The following TRAK1 variants were observed in gnomAD, a reference collection of about 807,000 sequenced individuals.
TRAK1 encodes the protein trafficking kinesin-binding protein 1.
Under a neutral mutation model 92.1 loss-of-function variants are expected in TRAK1, and 33 were observed. The ratio of observed to expected loss-of-function variants is 0.36; its 90% CI spans 0.27 to 0.48. The LOEUF is 0.48. TRAK1 is among the 20% of genes least tolerant of loss of function. The pLI, the probability that TRAK1 is intolerant of heterozygous loss-of-function variation, is 0.99. For synonymous variants in TRAK1, 521 were observed against 517.3 expected (o/e 1.01, Z -0.10); for missense variants, 1,123 against 1,257.9 (o/e 0.89, Z 1.62).
At chr3:42,115,468 C>T (rs4246668) in intron 1 of TRAK1, among the ~76,000 whole-genome samples, 74,533 of 151,972 alleles carry the variant, frequency 0.49, 18,422 homozygotes, top group South Asian at 0.6. Flanking sequence ...TGTCTCTGTG[C>T]GACTGCTTCT....
intron 1 of TRAK1, among the ~76,000 whole-genome samples, chr3:42,112,560 CTG>C (rs1252907432): frequency 1.3e-5 from 2 of 151,516 alleles, no homozygotes; most frequent in Admixed American, 6.6e-5. Context: ...CATGGCAAAA[CTG>C]TGTCTCTACT....
chr3:42,198,143 C>T (rs1301095879), intron 10 of TRAK1, among the ~76,000 whole-genome samples: 1 of 152,216 alleles, frequency 6.6e-6, no homozygotes, highest in East Asian at 1.9e-4. Context: ...TGGTGCTTTT[C>T]TGCACACACT....
intron 1 of TRAK1, among the ~76,000 whole-genome samples, chr3:42,019,867 A>G (rs1353430730): frequency 1.3e-5 from 2 of 152,224 alleles, no homozygotes. Context: ...CAGGTAAACA[A>G]TGAGAGCAGA....
At chr3:42,156,752 A>G (rs1334611432) in intron 2 of TRAK1, among the ~76,000 whole-genome samples, 1 of 152,204 alleles carries the variant, frequency 6.6e-6, no homozygotes, top group Non-Finnish European at 1.5e-5. Context: ...GAAATATATC[A>G]CCATGAAACA....
chr3:42,026,431 T>A (rs1054906711), intron 1 of TRAK1, among the ~76,000 whole-genome samples: 2 of 152,142 alleles, frequency 1.3e-5, no homozygotes, highest in Non-Finnish European at 2.9e-5. Flanking sequence ...CACCGATTAT[T>A]TTTACATACC....
intron 2 of TRAK1, among the ~76,000 whole-genome samples, chr3:42,139,286 C>T (rs917942495): frequency 3.9e-5 from 6 of 152,076 alleles, no homozygotes; most frequent in Non-Finnish European, 8.8e-5. Context: ...TTACTGCTCA[C>T]GTATGCGGTC....
intron 1 of TRAK1, among the ~76,000 whole-genome samples, chr3:42,022,891 G>A (rs546994300): frequency 6.6e-6 from 1 of 152,008 alleles, no homozygotes; most frequent in South Asian, 2.1e-4. Flanking sequence ...AGGCGCAGTG[G>A]CTCACACCTG....
intron 3 of TRAK1, among the ~76,000 whole-genome samples, chr3:42,183,251 G>A (rs567143733): frequency 1.3e-5 from 2 of 152,118 alleles, no homozygotes; most frequent in Non-Finnish European, 2.9e-5. Context: ...TTTGAAACCT[G>A]TGGCCTGAAA....
Position 42,224,121 on chromosome 3 carries a change from C to A in TRAK1, c.*384C>A, listed in dbSNP as rs1239788761. 2.2e-6 allele frequency: 1 copy of A among 463,196 alleles called. No individual in the cohort carries two copies. Among genetic ancestry groups the A allele is most frequent in the Non-Finnish European group, 4.3e-6 (1 of 232,018 alleles). The allele number at this position is 463,196 out of a possible 1,614,324, so 28.7% of individuals were successfully genotyped here. On this transcript the variant is annotated 3_prime_UTR_variant, in exon 16 of 16. Coordinates refer to ENST00000327628, the MANE Select transcript of TRAK1 (RefSeq NM_001042646.3). ...GATAGGAAACCAGTGAATTCCGTGGCTGGCACACCACGAGCTGTCACGCGG... is the reference window on the plus strand; with the variant it reads ...GATAGGAAACCAGTGAATTCCGTGGATGGCACACCACGAGCTGTCACGCGG...
chr3:42,055,585 C>A (rs1019913750), intron 1 of TRAK1, among the ~76,000 whole-genome samples: 2 of 152,188 alleles, frequency 1.3e-5, no homozygotes, highest in African/African-American at 4.8e-5. Context: ...ATATCAGCTT[C>A]CTGAGTAGCT....
In TRAK1 at chr3:42,201,883, G is replaced by GACACAC. The variant is rs56336064; in HGVS notation, c.1428-510_1428-505dup. 3.3e-3 allele frequency among the ~76,000 whole-genome samples: 410 copies of GACACAC among 125,114 alleles called. 12 individuals carry two copies. The highest frequency in any genetic ancestry group is 9.9e-3 in the African/African-American group (321 of 32,334). The allele number at this position is 125,114 out of a possible 152,430, so 82.1% of individuals were successfully genotyped here. On this transcript the variant is annotated intron_variant, in intron 12 of 15. Coordinates refer to ENST00000327628, the MANE Select transcript of TRAK1 (RefSeq NM_001042646.3). The stretch of plus-strand genomic sequence containing the variant: ...GGACGGACGGACGGACGGACAGACG[G>GACACAC]ACACACACACACACACACACACACA...
At chr3:42,092,701 GTGTTGTGTTGTGTTATGTTATGTTA>G (rs1705241008) in intron 1 of TRAK1, among the ~76,000 whole-genome samples, 1 of 114,468 alleles carries the variant, frequency 8.7e-6, no homozygotes, top group South Asian at 3.1e-4. Context: ...GTGTTGTGTT[GTGTTGTGTTGTGTTATGTTATGTTA>G]TGTTATGTTA....
At chr3:42,142,529 A>G (rs1321812803) in intron 2 of TRAK1, among the ~76,000 whole-genome samples, 4 of 152,198 alleles carry the variant, frequency 2.6e-5, no homozygotes, top group Non-Finnish European at 4.4e-5. Flanking sequence ...CTGTGCCCAC[A>G]GCATCAGACC....
chr3:42,195,038 G>T, intron 10 of TRAK1, 97 bp downstream of exon 10: 2 of 1,468,254 alleles, frequency 1.4e-6, no homozygotes, highest in African/African-American at 2.8e-5. Flanking sequence ...GGTGTTCACA[G>T]TTCGCTTCTC....
intron 1 of TRAK1, among the ~76,000 whole-genome samples, chr3:42,026,327 C>T (rs954972313): frequency 2.0e-5 from 3 of 152,064 alleles, no homozygotes; most frequent in Admixed American, 2.0e-4. Context: ...TTTTGAATTG[C>T]GTGGTTAGCT....
chr3:42,088,333 A>G (rs1704791817), upstream of TRAK1, among the ~76,000 whole-genome samples: 2 of 152,022 alleles, frequency 1.3e-5, no homozygotes, highest in South Asian at 4.1e-4. Flanking sequence ...CTGCTGTGCT[A>G]GGCCCCCACA....
chr3:42,178,713 CCT>C (rs1449034004), intron 3 of TRAK1, among the ~76,000 whole-genome samples: 11 of 152,088 alleles, frequency 7.2e-5, no homozygotes, highest in Middle Eastern at 6.3e-3. Flanking sequence ...GTGTCTTATG[CCT>C]ATAAATCCCA....
At position 42,176,893 on chromosome 3, in the gene TRAK1, A is replaced by C; in HGVS notation, c.363+3A>C. ...CTGTCACTCGGCTTCTTGAGGAGGT[A>C]AGTGCTCCAGGGGAAGGCAAAAGAG... is the stretch of plus-strand genomic sequence containing the variant. On this transcript the variant is annotated splice_donor_region_variant and intron_variant, in intron 3 of 15. Transcript: ENST00000327628. 1 of 1,613,878 alleles carries C rather than the reference A, an allele frequency of 6.2e-7. No individual in the cohort carries two copies. Among genetic ancestry groups the C allele is most frequent in the Non-Finnish European group, 8.5e-7 (1 of 1,179,792 alleles).
intron 1 of TRAK1, among the ~76,000 whole-genome samples, chr3:42,069,913 G>A (rs538726791): frequency 7.9e-5 from 12 of 151,936 alleles, no homozygotes; most frequent in East Asian, 1.9e-4. Context: ...GTGCAGTGGC[G>A]CAGTCTCCCC....
Sources: gnomAD v4.1 joint callset for allele counts (sites outside exome capture counted in the v4.1 genomes callset) on GRCh38, gnomAD v4.1.1 for gene constraint, MANE v1.5 for transcripts, NCBI Gene and HGNC (gene_info 2026-07-23, HGNC 2026-07-21) for gene names.